Variants in GSN observed in about 807,000 individuals in gnomAD.
GSN encodes the protein actin-depolymerizing factor.
A neutral mutation model predicts 85.7 loss-of-function variants in GSN; 56 were observed. The ratio of observed to expected loss-of-function variants is 0.65; its 90% CI spans 0.53 to 0.82. GSN has a LOEUF of 0.82. Among genes scored for constraint, GSN ranks in the 40% least tolerant of loss-of-function variants. GSN has a pLI of 0.00. For missense variants in GSN, 857 were observed against 979.8 expected, an observed-to-expected ratio of 0.87 and a Z score of 1.67; for synonymous variants, 373 against 399.1, an observed-to-expected ratio of 0.93 and a Z score of 0.78.
At chr9:121,282,055 G>A (rs1463934376) in intron 2 of GSN, 6 of 471,212 alleles carry the variant, frequency 1.3e-5, no homozygotes, top group Admixed American at 2.4e-5. Context: ...AGTCATGCCC[G>A]CTGGGGCCAG....
At chr9:121,233,902 A>T (rs897734954) in intron 5 of GSN, among the ~76,000 whole-genome samples, 1 of 152,180 alleles carries the variant, frequency 6.6e-6, no homozygotes, top group African/African-American at 2.4e-5. Flanking sequence ...GTTTGCCTTC[A>T]CTGAGCAACA....
At position 121,299,880 on chromosome 9, in the gene GSN, G is replaced by T; in HGVS notation, c.-9-2083G>T. 7.6e-7 allele frequency: 1 copy of T among 1,324,406 alleles called. No homozygotes were observed. The highest frequency in any genetic ancestry group is 9.7e-7 in the Non-Finnish European group (1 of 1,028,922). 82.0% of individuals were successfully genotyped at this position (1,324,406 alleles called of 1,614,324 possible). On this transcript the variant is annotated intron_variant, in intron 2 of 17. Coordinates refer to ENST00000432226, the MANE Select transcript of GSN (RefSeq NM_198252.3). This position sits in a 1 kb window ranked among gnomAD's most constrained non-coding sequence, Gnocchi z 4.2. ...CGCCACCATGGCTCCGCACCGCCCC[G>T]CGCCCGCGCTGCTTTGCGCGCTGTC...
At chr9:121,238,831 C>A in intron 5 of GSN, 10 of 529,172 alleles carry the variant, frequency 1.9e-5, no homozygotes, top group South Asian at 1.4e-4. Context: ...CTAAGGGCTT[C>A]TTCTCCAACT....
intron 2 of GSN, among the ~76,000 whole-genome samples, chr9:121,301,612 C>T (rs1304691508): frequency 9.9e-5 from 13 of 131,462 alleles, no homozygotes; most frequent in Admixed American, 8.9e-4. Context: ...GACAACAGTG[C>T]GAGACTCTGT....
chr9:121,236,940 T>A (rs1373089813), intron 5 of GSN, among the ~76,000 whole-genome samples: 1 of 152,240 alleles, frequency 6.6e-6, no homozygotes, highest in Non-Finnish European at 1.5e-5. Flanking sequence ...GTAAACACTT[T>A]AGAAACTTAA....
upstream of GSN, among the ~76,000 whole-genome samples, chr9:121,207,391 T>C (rs1340079382): frequency 6.6e-6 from 1 of 152,160 alleles, no homozygotes; most frequent in African/African-American, 2.4e-5. Flanking sequence ...ACACAGTGGA[T>C]TGTATTACAG....
At chr9:121,259,484 G>A (rs1441169050) in intron 6 of GSN, among the ~76,000 whole-genome samples, 2 of 152,184 alleles carry the variant, frequency 1.3e-5, no homozygotes, top group Non-Finnish European at 1.5e-5. Context: ...ATTAGGACAC[G>A]CAGTCCCAAG....
chr9:121,324,414 T>C, intron 11 of GSN, 140 bp from the exon 12 acceptor site: 2 of 672,854 alleles, frequency 3.0e-6, no homozygotes, highest in South Asian at 3.1e-5. Context: ...TGGCTCTCGT[T>C]GTTCTGAAAG....
chr9:121,316,784 T>G (rs1264991045), intron 7 of GSN, among the ~76,000 whole-genome samples: 1 of 152,218 alleles, frequency 6.6e-6, no homozygotes, highest in Non-Finnish European at 1.5e-5. Flanking sequence ...TCTCTTTTTT[T>G]TGAATAGTAA....
In GSN at chr9:121,310,714, G is replaced by A. The variant is rs41305623; in HGVS notation, c.382G>A (p.Val128Met). The A allele has an allele frequency of 4.9e-3, 7,887 of 1,614,166 alleles. 38 individuals carry two copies. The highest frequency in any genetic ancestry group is 5.2e-3 in the Non-Finnish European group (6,129 of 1,180,026). ...AGGTGTGGCATCAGGATTCAAGCAC[G>A]TGGTACCCAACGAGGTGGTGGTGCA... Reference protein sequence around the residue: ...KGGVASGFKHVVPNEVVVQRL... With the variant: ...KGGVASGFKHMVPNEVVVQRL... The change falls in exon 5 of 18, where the codon GTG becomes ATG. Residue 128 changes from valine to methionine, a missense_variant. By Grantham distance (21) the Val-to-Met change is conservative. Transcript: ENST00000432226.
exon 2 of GSN, chr9:121,209,312 G>C (rs1379019472): frequency 1.3e-5 from 2 of 152,044 alleles, no homozygotes; most frequent in East Asian, 3.9e-4. Flanking sequence ...ATAAAGCACG[G>C]AGAGGAACCA....
chr9:121,278,904 C>T (rs1391852047), intron 1 of GSN, among the ~76,000 whole-genome samples: 2 of 152,220 alleles, frequency 1.3e-5, no homozygotes, highest in African/African-American at 2.4e-5. Flanking sequence ...CCATAGATGG[C>T]AGCATCTGCA....
chr9:121,292,410 G>T (rs2058781431), intron 2 of GSN, among the ~76,000 whole-genome samples: 1 of 152,204 alleles, frequency 6.6e-6, no homozygotes, highest in Non-Finnish European at 1.5e-5. Flanking sequence ...AGACACAGAG[G>T]TAGAGGGCTA....
chr9:121,202,151 G>A, the GSN span, among the ~76,000 whole-genome samples: 1 of 152,240 alleles, frequency 6.6e-6, no homozygotes, highest in South Asian at 2.1e-4. Flanking sequence ...AGGTCTGCGT[G>A]GAACCTGGTG....
chr9:121,297,343 A>T (rs1184249339), intron 2 of GSN, among the ~76,000 whole-genome samples: 1 of 152,186 alleles, frequency 6.6e-6, no homozygotes, highest in African/African-American at 2.4e-5. Context: ...AGTTCTATGA[A>T]TTTTAGTAGA....
chr9:121,311,073 C>T, intron 5 of GSN: 2 of 578,784 alleles, frequency 3.5e-6, no homozygotes, highest in Non-Finnish European at 6.2e-6. Flanking sequence ...CTTCCTGGCA[C>T]CTTCTGTTCA....
At chr9:121,304,269 T>C (rs2060184492) in intron 4 of GSN, among the ~76,000 whole-genome samples, 1 of 152,234 alleles carries the variant, frequency 6.6e-6, no homozygotes, top group African/African-American at 2.4e-5. Flanking sequence ...AGTCCAGGGC[T>C]GGGCAGGGCT....
At chr9:121,220,409 T>TCTTCCCATACCTTCTGTCACTGTGTACCC (rs1554773844) in intron 4 of GSN, among the ~76,000 whole-genome samples, 2 of 151,050 alleles carry the variant, frequency 1.3e-5, no homozygotes, top group Non-Finnish European at 3.0e-5. Flanking sequence ...TAGGTGAAGC[T>TCTTCCCATACCTTCTGTCACTGTGTACCC]CTTCCCATAC....
In GSN at chr9:121,332,612, A is replaced by G. The variant is rs1421376273; in HGVS notation, c.*9A>G. The G allele has an allele frequency of 1.9e-6, 3 of 1,610,462 alleles. No homozygotes were observed. In the Admixed American group the frequency reaches 5.0e-5, roughly 27 times the overall value. The stretch of plus-strand genomic sequence containing the variant: ...CTGAGCTGGCTGCCTGAGGAGGGGC[A>G]GGGCCCACCCATGTCACCGGTCAGT... On this transcript the variant is annotated 3_prime_UTR_variant, in exon 18 of 18. Coordinates refer to ENST00000432226, the MANE Select transcript of GSN (RefSeq NM_198252.3). This position sits in a 1 kb window ranked among gnomAD's most constrained non-coding sequence, Gnocchi z 4.8.
Sources: allele counts gnomAD v4.1 joint callset (sites outside exome capture counted in the v4.1 genomes callset), GRCh38; gene constraint gnomAD v4.1.1; non-coding constraint Gnocchi (gnomAD v3.1); transcripts MANE v1.5; gene names NCBI Gene and HGNC (gene_info 2026-07-23, HGNC 2026-07-21).